The following PIEZO1 variants were observed in gnomAD, a reference collection of about 807,000 sequenced individuals.
The protein encoded by PIEZO1 is piezo type mechanosensitive ion channel component 1 (Er blood group), also known as piezo-type mechanosensitive ion channel component 1.
Under a neutral mutation model 297.2 loss-of-function variants are expected in PIEZO1, and 296 were observed. The ratio of observed to expected loss-of-function variants is 1.00; its 90% confidence interval spans 0.91 to 1.10. The LOEUF (loss-of-function observed/expected upper bound fraction) is 1.10. Among genes scored for constraint, PIEZO1 ranks in the 50% least tolerant of loss-of-function variants. PIEZO1 has a pLI of 0.00. For missense variants in PIEZO1, 5,018 were observed against 3,455.5 expected (o/e 1.45, Z -11.34); for synonymous variants, 2,427 against 1,507.5 (o/e 1.61, Z -14.13).
intron 5 of PIEZO1, chr16:88,739,063 C>A: frequency 3.0e-6 from 1 of 336,426 alleles, no homozygotes; most frequent in East Asian, 5.6e-5. Context: ...TCCTATACCA[C>A]CTCATCTCCC....
chr16:88,738,286 G>A lies in PIEZO1; in HGVS notation c.789C>T (p.Leu263=). The part of the protein sequence containing the change: ...GCFGAGHLIC[L]YCYQMPLAQA... The stretch of plus-strand genomic sequence containing the variant: ...GTGCCAAGGGCATCTGGTAGCAGTA[G>A]AGGCAGATGAGATGGCCGGCGCCGA... The change falls in exon 7 of 51, where the codon CTC becomes CTT. Residue 263 remains leucine, a synonymous_variant. Transcript: ENST00000301015. 1 of 1,535,918 alleles carries A rather than the reference G, an allele frequency of 6.5e-7. No individual in the cohort carries two copies. The highest frequency in any genetic ancestry group is 1.2e-5 in the South Asian group (1 of 84,068).
At chr16:88,760,570 G>C (rs1398007909) in intron 1 of PIEZO1, among the ~76,000 whole-genome samples, 2 of 152,200 alleles carry the variant, frequency 1.3e-5, no homozygotes, top group Non-Finnish European at 2.9e-5. Flanking sequence ...AGGGATCCGA[G>C]GGGAACGACC....
rs767993216 is a variant in PIEZO1 at position 88,716,043 on chromosome 16, T to C, written c.7206A>G (p.Glu2402=). ...EQGAGATGFL[E]WWVIELQECR... ...ACTCCTGCAGCTCGATGACCCACCA[T>C]TCGAGGAAGCCGGTGGCCCCCGCAC... Residue 2402 remains glutamate (E), a synonymous_variant, in exon 50 of 51, where the codon GAA becomes GAG. Transcript: ENST00000301015. 2 of 1,550,118 alleles carry C rather than the reference T, an allele frequency of 1.3e-6. No individual in the cohort carries two copies. The highest frequency in any genetic ancestry group is 2.4e-5 in the South Asian group (2 of 84,056).
chr16:88,734,408 C>T lies in PIEZO1; in HGVS notation c.2128G>A (p.Asp710Asn), dbSNP rs747544978. ...CCAGGCAGGGACACGTGCTCCATGT[C>T]GGTGAGCTGCATGAAGGGCCTGTGG... ...YFHRPFMQLT[D>N]MEHVSLPGTR... is the part of the protein sequence containing the mutation. Residue 710 changes from aspartate to asparagine, a missense_variant, in exon 16 of 51, where the codon GAC becomes AAC. By Grantham distance (23) the Asp-to-Asn change is conservative. Transcript: ENST00000301015. 26 of 1,549,418 alleles carry T rather than the reference C, an allele frequency of 1.7e-5. No homozygotes were observed. The highest frequency in any genetic ancestry group is 4.9e-5 in the East Asian group (2 of 40,914).
At position 88,742,625 on chromosome 16, in the gene PIEZO1, C is replaced by T. The variant is rs117437258; in HGVS notation, c.161-203G>A. On this transcript the variant is annotated intron_variant, in intron 2 of 50. Transcript: ENST00000301015. ...GAGGGTCACTCTTGTCACAAGGAGC[C>T]GGGCATCCTCCTGGGGGTGGCAGCA... 0.06 allele frequency: 34,055 copies of T among 567,816 alleles called. 1,387 individuals are homozygous for T. The highest frequency in any genetic ancestry group is 0.1 in the Middle Eastern group (218 of 2,138). The allele number at this position is 567,816 out of a possible 1,614,324, so 35.2% of individuals were successfully genotyped here.
chr16:88,719,607 G>A lies in PIEZO1; in HGVS notation c.6438C>T (p.Ile2146=), dbSNP rs1238247026. Residue 2146 remains isoleucine (I), a synonymous_variant, in exon 44 of 51, where the codon ATC becomes ATT. Coordinates refer to ENST00000301015, the MANE Select transcript of PIEZO1 (RefSeq NM_001142864.4). The part of the protein sequence containing the change: ...WMCVEDIYAN[I]FIIKCSRETE... ...TCTCTCGGCTGCATTTGATGATGAA[G>A]ATGTTGGCATAGATGTCCTCCACAC... 1.2e-5 allele frequency: 18 copies of A among 1,551,640 alleles called. No individual in the cohort carries two copies. In the East Asian group the frequency reaches 1.5e-4, roughly 13 times the overall value.
chr16:88,722,657 C>T lies in PIEZO1; in HGVS notation c.4701G>A (p.Gln1567=), dbSNP rs1020234328. The T allele has an allele frequency of 1.5e-5, 23 of 1,538,400 alleles. No individual in the cohort carries two copies. In the African/African-American group the frequency reaches 1.9e-4, roughly 13 times the overall value. ...GGEVHRGVLD[Q]LYTSQAEATL... ...TGGCCTCGGCCTGGCTTGTGTACAG[C>T]TGATCCAGCACGCCCCTGTGCACTT... Residue 1567 remains glutamine, a synonymous_variant, in exon 35 of 51, where the codon CAG becomes CAA. Transcript: ENST00000301015.
intron 2 of PIEZO1, among the ~76,000 whole-genome samples, chr16:88,747,845 G>A (rs1435325129): frequency 3.3e-5 from 5 of 152,190 alleles, no homozygotes; most frequent in African/African-American, 1.2e-4. Context: ...AGGAGAGACA[G>A]GGTGTGATCC....
chr16:88,749,941 T>C (rs574899463), intron 1 of PIEZO1, among the ~76,000 whole-genome samples: 1 of 151,666 alleles, frequency 6.6e-6, no homozygotes, highest in Non-Finnish European at 1.5e-5. Flanking sequence ...GGCAGAAGAA[T>C]TGCTTGAAAC....
intron 22 of PIEZO1, 167 bp from the exon 23 acceptor site, chr16:88,727,828 C>G (rs565171909): frequency 4.7e-6 from 2 of 424,414 alleles, no homozygotes; most frequent in East Asian, 7.1e-5. Context: ...CCTGTGTGTT[C>G]ACACACACAG....
At chr16:88,717,928 A>T (rs1912167475) in intron 44 of PIEZO1, 1 of 380,598 alleles carries the variant, frequency 2.6e-6, no homozygotes, top group South Asian at 2.0e-5. Flanking sequence ...CCAAAAATAC[A>T]AAAGACTAGC....
chr16:88,758,874 G>T (rs979136507), intron 1 of PIEZO1, among the ~76,000 whole-genome samples: 99 of 152,304 alleles, frequency 6.5e-4, no homozygotes, highest in Middle Eastern at 3.4e-3. Flanking sequence ...AATCCCTGTG[G>T]CACTGCCAAG....
chr16:88,761,614 G>C (rs888838430), intron 1 of PIEZO1, among the ~76,000 whole-genome samples: 1 of 152,264 alleles, frequency 6.6e-6, no homozygotes, highest in East Asian at 1.9e-4. Context: ...ATGGTACTTG[G>C]GGTCCGCAGT....
chr16:88,738,909 G>A, intron 5 of PIEZO1, 173 bp from the exon 6 acceptor site: 2 of 614,114 alleles, frequency 3.3e-6, no homozygotes, highest in East Asian at 2.8e-5. Context: ...AGGTCTGCCT[G>A]ACACCTTCCT....
chr16:88,724,066 C>T lies in PIEZO1; in HGVS notation c.4235-95G>A, dbSNP rs934502319. ...CATGGGCCAAGGCCCGAGAGCCACCCTTCCCATGCGGAGTAGCCGGGAGCA... is the reference window on the plus strand; with the variant it reads ...CATGGGCCAAGGCCCGAGAGCCACCTTTCCCATGCGGAGTAGCCGGGAGCA... On this transcript the variant is annotated intron_variant, in intron 30 of 50. Transcript: ENST00000301015. The T allele has an allele frequency of 6.6e-5, 49 of 740,676 alleles. No homozygotes were observed. In the Admixed American group the frequency reaches 7.9e-4, roughly 12 times the overall value. 45.9% of individuals were successfully genotyped at this position (740,676 alleles called of 1,614,324 possible).
Position 88,771,651 on chromosome 16 carries a change from G to A in PIEZO1, c.64+13250C>T, listed in dbSNP as rs1044988764. On this transcript the variant is annotated intron_variant, in intron 1 of 50. Transcript: ENST00000301015. The stretch of plus-strand genomic sequence containing the variant: ...CCCCCTCAGCCCACAGTCAGAGCAG[G>A]GCCATAGGGAGGTGCTGGGTGGGAC... 4.6e-5 allele frequency among the ~76,000 whole-genome samples: 7 copies of A among 152,376 alleles called. No homozygotes were observed. In the South Asian group the frequency reaches 1.4e-3, roughly 32 times the overall value.
chr16:88,725,787 C>T (rs1311494801), intron 27 of PIEZO1, 103 bp from the exon 28 acceptor site: 3 of 684,782 alleles, frequency 4.4e-6, no homozygotes, highest in Non-Finnish European at 7.9e-6. Flanking sequence ...GCCTGCTCCT[C>T]TCTGCCCACG....
chr16:88,750,251 G>T (rs538129355), intron 1 of PIEZO1, among the ~76,000 whole-genome samples: 1 of 152,074 alleles, frequency 6.6e-6, no homozygotes, highest in Non-Finnish European at 1.5e-5. Context: ...CAGGAGAATC[G>T]CTTGAACCCG....
In PIEZO1 at chr16:88,730,753, C is replaced by CAGT. The variant is rs1393685568; in HGVS notation, c.3196+950_3196+952dup. On this transcript the variant is annotated intron_variant, in intron 22 of 50. Coordinates refer to ENST00000301015, the MANE Select transcript of PIEZO1 (RefSeq NM_001142864.4). The stretch of plus-strand genomic sequence containing the variant: ...AGCCAAATACGGGGAGATGATGTAA[C>CAGT]AGTGTGTGGCCGGAGGGGCCAGGAC... 2.0e-5 allele frequency among the ~76,000 whole-genome samples: 3 copies of CAGT among 152,360 alleles called. No homozygotes were observed. In the East Asian group the frequency reaches 5.8e-4, roughly 29 times the overall value.
Sources: allele counts gnomAD v4.1 joint callset (sites outside exome capture counted in the v4.1 genomes callset), GRCh38; gene constraint gnomAD v4.1.1; transcripts MANE v1.5; gene names NCBI Gene and HGNC (gene_info 2026-07-23, HGNC 2026-07-21).